PPARGC1A: variants seen among roughly 807,000 people sequenced by gnomAD.
PPARGC1A encodes the protein peroxisome proliferator-activated receptor gamma coactivator 1-alpha.
A neutral mutation model predicts 88.7 loss-of-function variants in PPARGC1A; 25 were observed. That is an observed-to-expected ratio of 0.28 (90% CI 0.21 to 0.39). The LOEUF (loss-of-function observed/expected upper bound fraction) is 0.39. PPARGC1A is among the 10% of genes least tolerant of loss of function. The pLI, the probability that PPARGC1A is intolerant of heterozygous loss-of-function variation, is 1.00. For synonymous variants in PPARGC1A, 363 were observed against 355.6 expected (o/e 1.02, Z -0.24); for missense variants, 880 against 968.7 (o/e 0.91, Z 1.22).
At chr4:24,112,692 G>A in the PPARGC1A span, among the ~76,000 whole-genome samples, 7 of 152,280 alleles carry the variant, frequency 4.6e-5, no homozygotes, top group South Asian at 4.1e-4. Flanking sequence ...TTGCTGTAGT[G>A]ATCTCACCCT....
the PPARGC1A span, among the ~76,000 whole-genome samples, chr4:24,042,637 T>C: frequency 1.3e-5 from 2 of 152,196 alleles, no homozygotes; most frequent in African/African-American, 2.4e-5. Context: ...CTGAAGACCA[T>C]GTGAATAAAA....
At chr4:24,018,729 A>G in the PPARGC1A span, among the ~76,000 whole-genome samples, 2 of 152,060 alleles carry the variant, frequency 1.3e-5, no homozygotes, top group East Asian at 3.9e-4. Context: ...TCAAGTTCAC[A>G]TCCCAAATCT....
At chr4:24,115,499 C>G in the PPARGC1A span, among the ~76,000 whole-genome samples, 1 of 152,212 alleles carries the variant, frequency 6.6e-6, no homozygotes, top group Non-Finnish European at 1.5e-5. Context: ...AAACAGACAT[C>G]TCAATTTCAA....
At chr4:24,017,536 G>A in the PPARGC1A span, among the ~76,000 whole-genome samples, 2 of 152,096 alleles carry the variant, frequency 1.3e-5, no homozygotes, top group East Asian at 3.9e-4. Context: ...CACATACAGA[G>A]AGAGGGAAAG....
chr4:24,205,798 C>T, the PPARGC1A span, among the ~76,000 whole-genome samples: 1 of 152,176 alleles, frequency 6.6e-6, no homozygotes, highest in African/African-American at 2.4e-5. Flanking sequence ...CATTCTGCTG[C>T]AGGTTCATAT....
the PPARGC1A span, among the ~76,000 whole-genome samples, chr4:24,399,795 T>G: frequency 9.9e-5 from 15 of 151,746 alleles, no homozygotes; most frequent in African/African-American, 3.6e-4. Flanking sequence ...AATCTCCTTT[T>G]TTTTTTTTTT....
the PPARGC1A span, among the ~76,000 whole-genome samples, chr4:24,120,912 T>C: frequency 6.6e-6 from 1 of 152,208 alleles, no homozygotes; most frequent in Non-Finnish European, 1.5e-5. Flanking sequence ...GTTTGTGCTA[T>C]TTTATCATAA....
At chr4:24,076,303 C>T in the PPARGC1A span, among the ~76,000 whole-genome samples, 1 of 152,156 alleles carries the variant, frequency 6.6e-6, no homozygotes, top group South Asian at 2.1e-4. Flanking sequence ...GGTCAGACAT[C>T]TAATCTGTGG....
At chr4:23,921,056 A>C in the PPARGC1A span, among the ~76,000 whole-genome samples, 102,422 of 151,648 alleles carry the variant, frequency 0.68, 35,923 homozygotes, top group African/African-American at 0.87. Context: ...CCCCCCACCC[A>C]CTCCTACCAC....
chr4:24,295,120 C>T, the PPARGC1A span, among the ~76,000 whole-genome samples: 1 of 152,204 alleles, frequency 6.6e-6, no homozygotes, highest in South Asian at 2.1e-4. Flanking sequence ...CTAGATGTAG[C>T]CTCAAAGAAT....
At chr4:23,981,327 A>C in the PPARGC1A span, among the ~76,000 whole-genome samples, 2 of 152,122 alleles carry the variant, frequency 1.3e-5, no homozygotes, top group African/African-American at 4.8e-5. Flanking sequence ...GAAGAACATA[A>C]CACATGCAAA....
the PPARGC1A span, among the ~76,000 whole-genome samples, chr4:24,350,801 G>T: frequency 1.3e-5 from 2 of 152,134 alleles, no homozygotes; most frequent in Admixed American, 6.5e-5. Context: ...GGAAAGGGCA[G>T]GTGGGGTGGA....
At chr4:24,051,195 A>AG in the PPARGC1A span, among the ~76,000 whole-genome samples, 51 of 147,728 alleles carry the variant, frequency 3.5e-4, 1 homozygote, top group South Asian at 4.0e-3. Flanking sequence ...CTCAAAAAAA[A>AG]AAAAAAAAAA....
chr4:24,349,455 C>A, the PPARGC1A span, among the ~76,000 whole-genome samples: 3 of 152,162 alleles, frequency 2.0e-5, no homozygotes, highest in Non-Finnish European at 4.4e-5. Flanking sequence ...AGCTCAAACT[C>A]TCCTTGGGCA....
chr4:24,456,378 G>A, the PPARGC1A span, among the ~76,000 whole-genome samples: 1 of 152,190 alleles, frequency 6.6e-6, no homozygotes, highest in Non-Finnish European at 1.5e-5. Context: ...CTGGAAGGAA[G>A]CCCATTGGTG....
intron 5 of PPARGC1A, among the ~76,000 whole-genome samples, chr4:23,827,886 G>A (rs1247781819): frequency 6.6e-6 from 1 of 151,944 alleles, no homozygotes; most frequent in Admixed American, 6.6e-5. Context: ...GGAGGAGAAG[G>A]AGAAAGAAGG....
chr4:24,197,798 G>T, the PPARGC1A span, among the ~76,000 whole-genome samples: 2 of 152,212 alleles, frequency 1.3e-5, no homozygotes, highest in Non-Finnish European at 2.9e-5. Context: ...CCAGTTAACA[G>T]TTCCTTCTTC....
chr4:24,108,361 A>T, the PPARGC1A span, among the ~76,000 whole-genome samples: 1 of 152,176 alleles, frequency 6.6e-6, no homozygotes, highest in Non-Finnish European at 1.5e-5. Flanking sequence ...TATTGATTAA[A>T]AAATAATTTT....
chr4:24,064,741 A>AT, the PPARGC1A span, among the ~76,000 whole-genome samples: 1 of 152,060 alleles, frequency 6.6e-6, no homozygotes, highest in Non-Finnish European at 1.5e-5. Context: ...TGAAGACATT[A>AT]TCCTTTCTGG....
Sources: allele counts gnomAD v4.1 joint callset (sites outside exome capture counted in the v4.1 genomes callset), GRCh38; gene constraint gnomAD v4.1.1; transcripts MANE v1.5; gene names NCBI Gene and HGNC (gene_info 2026-07-23, HGNC 2026-07-21).